Variants in USP6 observed in about 807,000 individuals in gnomAD.
The protein encoded by USP6 is ubiquitin specific peptidase 6, also known as ubiquitin carboxyl-terminal hydrolase 6.
Under a neutral mutation model 175.7 loss-of-function variants are expected in USP6, and 128 were observed. The ratio of observed to expected loss-of-function variants is 0.73; its 90% confidence interval spans 0.63 to 0.84. USP6 has a LOEUF of 0.84. USP6 is among the 40% of genes least tolerant of loss of function. The pLI, the probability that USP6 is intolerant of heterozygous loss-of-function variation, is 0.00. For missense variants in USP6, 1,498 were observed against 1,760.3 expected (o/e 0.85, Z 2.67); for synonymous variants, 562 against 630.6 (o/e 0.89, Z 1.63).
At chr17:5,144,902 A>G in intron 26 of USP6, 39 bp downstream of exon 26, 1 of 1,557,702 alleles carries the variant, frequency 6.4e-7, no homozygotes, top group Non-Finnish European at 8.7e-7. Context: ...GCAATAGACA[A>G]AATGTTCTGA....
At chr17:5,148,376 G>A (rs1467653040) in intron 29 of USP6, among the ~76,000 whole-genome samples, 180 bp from the exon 30 acceptor site, 2 of 152,164 alleles carry the variant, frequency 1.3e-5, no homozygotes, top group African/African-American at 4.8e-5. Context: ...AAAAGTGTGA[G>A]TTAGGGAAGT....
chr17:5,120,208 G>A (rs1240525548), intron 2 of USP6, among the ~76,000 whole-genome samples: 2 of 152,278 alleles, frequency 1.3e-5, no homozygotes, highest in South Asian at 4.2e-4. Flanking sequence ...TTGCTAATGG[G>A]GCCTGGCACG....
chr17:5,143,738 C>G (rs999810861), intron 25 of USP6, among the ~76,000 whole-genome samples: 7 of 150,272 alleles, frequency 4.7e-5, no homozygotes, highest in African/African-American at 1.7e-4. Flanking sequence ...GAGAAACACC[C>G]AAGAATGATC....
chr17:5,139,236 A>G lies in USP6; in HGVS notation c.1079-19A>G, dbSNP rs1331404754. The G allele has an allele frequency of 1.3e-6, 2 of 1,599,244 alleles. No homozygotes were observed. Among genetic ancestry groups the G allele is most frequent in the Non-Finnish European group, 1.7e-6 (2 of 1,179,960 alleles). On this transcript the variant is annotated intron_variant, in intron 21 of 37. Coordinates refer to ENST00000574788, the MANE Select transcript of USP6 (RefSeq NM_001304284.2). Reference sequence around the variant, plus strand: ...CATGGGCTCACTGGAGATGCTGACCACGTCTGTTTTCCTTTCAGCCAAACG... The same window carrying G: ...CATGGGCTCACTGGAGATGCTGACCGCGTCTGTTTTCCTTTCAGCCAAACG...
intron 25 of USP6, among the ~76,000 whole-genome samples, chr17:5,143,659 T>C: frequency 6.6e-6 from 1 of 151,622 alleles, no homozygotes; most frequent in South Asian, 2.1e-4. Flanking sequence ...CCAGAGACCT[T>C]TGTTCACTTG....
chr17:5,172,394 G>T (rs1464577013), intron 37 of USP6, among the ~76,000 whole-genome samples: 2 of 151,570 alleles, frequency 1.3e-5, no homozygotes, highest in African/African-American at 4.9e-5. Context: ...AGCCAGATGT[G>T]GTGGCACATG....
intron 37 of USP6, 59 bp downstream of exon 37, chr17:5,171,738 G>A: frequency 1.3e-6 from 2 of 1,549,000 alleles, no homozygotes; most frequent in Non-Finnish European, 1.8e-6. Context: ...GGGAACATTT[G>A]TTGAAATAAT....
chr17:5,161,831 G>A (rs2074010318), intron 32 of USP6, among the ~76,000 whole-genome samples: 1 of 152,126 alleles, frequency 6.6e-6, no homozygotes, highest in African/African-American at 2.4e-5. Context: ...GCCTAACCTG[G>A]TAAAACCCCA....
intron 31 of USP6, among the ~76,000 whole-genome samples, chr17:5,160,608 T>C (rs1030973669): frequency 6.6e-6 from 1 of 152,232 alleles, no homozygotes; most frequent in Non-Finnish European, 1.5e-5. Flanking sequence ...GTGCCACATT[T>C]TCTTAATCCA....
Position 5,121,253 on chromosome 17 carries a change from G to T in USP6, c.-1674-122G>T, listed in dbSNP as rs560115524. On this transcript the variant is annotated intron_variant, in intron 3 of 37. Transcript: ENST00000574788. ...CAACGTGGGTGCAGAGGGTCTTTGT[G>T]TGCAGGTGCCTTTGGGGCCCCATAG... The T allele has an allele frequency of 1.9e-5, 7 of 370,170 alleles. No homozygotes were observed. The East Asian group carries it at 2.9e-4, about 15-fold the overall frequency. The allele number at this position is 370,170 out of a possible 1,614,324, so 22.9% of individuals were successfully genotyped here.
intron 31 of USP6, among the ~76,000 whole-genome samples, chr17:5,158,800 A>G (rs948623009): frequency 1.3e-5 from 2 of 152,236 alleles, no homozygotes; most frequent in East Asian, 1.9e-4. Flanking sequence ...ATTTGATAAA[A>G]TGGTCTTTGG....
chr17:5,121,753 G>T lies in USP6; in HGVS notation c.-1299+3G>T. The T allele has an allele frequency of 6.4e-6, 1 of 156,858 alleles. No homozygotes were observed. Among genetic ancestry groups the T allele is most frequent in the South Asian group, 1.7e-4 (1 of 5,728 alleles). 9.7% of individuals were successfully genotyped at this position (156,858 alleles called of 1,614,324 possible). A position where few individuals can be genotyped will look rare whatever the true frequency, so the allele number is the denominator to read the frequency against. ...TTGCTAGAGGTTGAGGACGCTCAGT[G>T]AGTGTGCACCCGGGTACCTGCTGGG... On this transcript the variant is annotated splice_donor_region_variant and intron_variant, in intron 4 of 37. Transcript: ENST00000574788.
chr17:5,157,750 C>T (rs1226226974), intron 31 of USP6, among the ~76,000 whole-genome samples: 1 of 152,136 alleles, frequency 6.6e-6, no homozygotes, highest in Non-Finnish European at 1.5e-5. Context: ...TCTGCCTCAG[C>T]CTCCCGAGTA....
chr17:5,165,452 G>A (rs1402368257), intron 33 of USP6, among the ~76,000 whole-genome samples: 1 of 152,110 alleles, frequency 6.6e-6, no homozygotes, highest in African/African-American at 2.4e-5. Flanking sequence ...GTGGTGGTGT[G>A]CACCTATAGT....
At chr17:5,143,613 A>G (rs1298982793) in intron 25 of USP6, among the ~76,000 whole-genome samples, 3 of 152,000 alleles carry the variant, frequency 2.0e-5, no homozygotes, top group Non-Finnish European at 4.4e-5. Context: ...GGACACAAAC[A>G]CTGCGGAGGG....
chr17:5,167,684 A>T (rs2074122573), intron 33 of USP6, among the ~76,000 whole-genome samples: 1 of 151,928 alleles, frequency 6.6e-6, no homozygotes, highest in Non-Finnish European at 1.5e-5. Context: ...TTTTTCTTTT[A>T]CTGAGACAGG....
At chr17:5,140,011 C>T (rs1349954423) in intron 22 of USP6, among the ~76,000 whole-genome samples, 2 of 152,012 alleles carry the variant, frequency 1.3e-5, no homozygotes, top group Non-Finnish European at 2.9e-5. Flanking sequence ...AGATGGAACA[C>T]ACCAGCCCCC....
At chr17:5,121,247 C>A in intron 3 of USP6, 128 bp from the exon 4 acceptor site, 1 of 375,290 alleles carries the variant, frequency 2.7e-6, no homozygotes, top group East Asian at 7.3e-5. Flanking sequence ...TGCAGAGGGT[C>A]TTTGTGTGCA....
Position 5,135,228 on chromosome 17 carries a change from T to G in USP6, c.495-6T>G, listed in dbSNP as rs758722029. On this transcript the variant is annotated splice_polypyrimidine_tract_variant and splice_region_variant and intron_variant, in intron 15 of 37. Coordinates refer to ENST00000574788, the MANE Select transcript of USP6 (RefSeq NM_001304284.2). ...CAAACCATAGCCCCCTTTCTGTGTT[T>G]CCTAGGCAGAGGGAACTATTCTACA... The G allele has an allele frequency of 1.8e-5, 29 of 1,612,470 alleles. No individual in the cohort carries two copies. Among genetic ancestry groups the G allele is most frequent in the Non-Finnish European group, 2.1e-5 (25 of 1,178,908 alleles).
Sources: allele counts gnomAD v4.1 joint callset (sites outside exome capture counted in the v4.1 genomes callset), GRCh38; gene constraint gnomAD v4.1.1; transcripts MANE v1.5; gene names NCBI Gene and HGNC (gene_info 2026-07-23, HGNC 2026-07-21).